The following GOLGA8B variants were observed in gnomAD, a reference collection of about 807,000 sequenced individuals.
The protein encoded by GOLGA8B is golgin subfamily A member 8B.
A neutral mutation model predicts 15.6 loss-of-function variants in GOLGA8B; 1 was observed. The ratio of observed to expected loss-of-function variants is 0.06; its 90% CI spans 0.02 to 0.30. GOLGA8B has a LOEUF of 0.30. GOLGA8B is among the 10% of genes least tolerant of loss of function. GOLGA8B has a pLI of 1.00. For missense variants in GOLGA8B, 17 were observed against 201.3 expected, an observed-to-expected ratio of 0.08 and a Z score of 5.54; for synonymous variants, 9 against 80.3, an observed-to-expected ratio of 0.11 and a Z score of 4.75.
chr15:34,564,981 T>C lies in GOLGA8B; in HGVS notation c.-1122-11025A>G, dbSNP rs374639431. 2.8e-5 allele frequency among the ~76,000 whole-genome samples: 4 copies of C among 143,820 alleles called. 1 individual carries two copies. The highest frequency in any genetic ancestry group is 7.4e-5 in the African/African-American group (3 of 40,458). 94.4% of individuals were successfully genotyped at this position (143,820 alleles called of 152,430 possible). A position where few individuals can be genotyped will look rare whatever the true frequency, so the allele number is the denominator to read the frequency against. ...GGGATGAATTAAGGGGCTGGAAAAC[T>C]GGCAGCAGGACGGCCTGTGCCCATG... On this transcript the variant is annotated intron_variant, in intron 1 of 23. Transcript: ENST00000683415.
intron 1 of GOLGA8B, among the ~76,000 whole-genome samples, chr15:34,581,174 C>T (rs1360582566): frequency 6.6e-6 from 1 of 152,182 alleles, no homozygotes; most frequent in Non-Finnish European, 1.5e-5. Context: ...CACCTGAGGC[C>T]CACACCTGTT....
At position 34,551,977 on chromosome 15, in the gene GOLGA8B, T is replaced by G. The variant is rs1420780305; in HGVS notation, c.-713-701A>C. ...TGGTGCCATCCTCTGTTCACTTGCA[T>G]CAGAGCCTGGGAGGTTGTGGTCTGC... On this transcript the variant is annotated intron_variant, in intron 3 of 23. Coordinates refer to ENST00000683415, the MANE Select transcript of GOLGA8B (RefSeq NM_001023567.5). Among the ~76,000 whole-genome samples the G allele has an allele frequency of 1.9e-5, 2 of 103,724 alleles. 1 individual carries two copies. Among genetic ancestry groups the G allele is most frequent in the East Asian group, 5.0e-4 (2 of 3,962 alleles). 68.0% of individuals were successfully genotyped at this position (103,724 alleles called of 152,430 possible).
intron 1 of GOLGA8B, among the ~76,000 whole-genome samples, chr15:34,554,187 T>C (rs1308318531): frequency 6.8e-6 from 1 of 147,950 alleles, no homozygotes; most frequent in Non-Finnish European, 1.5e-5. Flanking sequence ...TGGGTGGAGA[T>C]GGGGACACAG....
At chr15:34,580,278 G>A (rs370342334) in intron 1 of GOLGA8B, among the ~76,000 whole-genome samples, 1 of 152,190 alleles carries the variant, frequency 6.6e-6, no homozygotes, top group Non-Finnish European at 1.5e-5. Context: ...AGCCTGGAGG[G>A]ACCATTCTTG....
chr15:34,577,369 C>T (rs981611873), intron 1 of GOLGA8B, among the ~76,000 whole-genome samples: 69 of 151,994 alleles, frequency 4.5e-4, no homozygotes, highest in African/African-American at 1.6e-3. Flanking sequence ...AAACCAACTG[C>T]GGGAAACCAT....
chr15:34,567,709 C>G (rs1366735242), intron 1 of GOLGA8B, among the ~76,000 whole-genome samples: 1 of 151,886 alleles, frequency 6.6e-6, no homozygotes, highest in South Asian at 2.1e-4. Context: ...AAATGACGCA[C>G]ACGGGCAGAT....
At chr15:34,573,541 A>AC (rs1400763789) in intron 1 of GOLGA8B, among the ~76,000 whole-genome samples, 2 of 63,954 alleles carry the variant, frequency 3.1e-5, no homozygotes, top group Non-Finnish European at 7.6e-5. Context: ...CGTCTCAAAA[A>AC]AAAAAAAAAA....
intron 1 of GOLGA8B, among the ~76,000 whole-genome samples, chr15:34,569,811 T>A (rs1335205426): frequency 6.6e-6 from 1 of 150,500 alleles, no homozygotes; most frequent in African/African-American, 2.4e-5. Flanking sequence ...AACTGGCAGC[T>A]CCTGCAGGGC....
chr15:34,578,401 T>A (rs927704141), intron 1 of GOLGA8B, among the ~76,000 whole-genome samples: 1 of 152,170 alleles, frequency 6.6e-6, no homozygotes, highest in South Asian at 2.1e-4. Flanking sequence ...GCCCCTGTAC[T>A]TGCCCACCAA....
At chr15:34,581,281 A>C (rs1011214164) in intron 1 of GOLGA8B, among the ~76,000 whole-genome samples, 4 of 151,158 alleles carry the variant, frequency 2.6e-5, no homozygotes, top group African/African-American at 4.9e-5. Flanking sequence ...TTCAACCCCC[A>C]CTCTCCCCAC....
chr15:34,582,382 AG>A (rs918252336), intron 1 of GOLGA8B, among the ~76,000 whole-genome samples: 24 of 152,216 alleles, frequency 1.6e-4, no homozygotes, highest in African/African-American at 5.8e-4. Flanking sequence ...TCAACGAGGA[AG>A]AAAATAGAAA....
At chr15:34,581,303 T>C (rs986420682) in intron 1 of GOLGA8B, among the ~76,000 whole-genome samples, 2 of 152,140 alleles carry the variant, frequency 1.3e-5, no homozygotes, top group Non-Finnish European at 2.9e-5. Context: ...CCAACAGCCC[T>C]CACTGCAGCC....
In GOLGA8B at chr15:34,577,710, C is replaced by A. The variant is rs1332916324; in HGVS notation, c.-1123+5806G>T. Among the ~76,000 whole-genome samples, 17 of 152,236 alleles carry A rather than the reference C, an allele frequency of 1.1e-4. 1 individual carries two copies. The Middle Eastern group carries it at 0.014, about 122-fold the overall frequency. On this transcript the variant is annotated intron_variant, in intron 1 of 23. Transcript: ENST00000683415. ...AGCCTACTGCTCCTAGGCTGCAAACCTAGGCAGCATGTTACTGTGCTGAAG... is the reference window on the plus strand; with the variant it reads ...AGCCTACTGCTCCTAGGCTGCAAACATAGGCAGCATGTTACTGTGCTGAAG...
intron 1 of GOLGA8B, among the ~76,000 whole-genome samples, chr15:34,567,094 C>T (rs1395059766): frequency 1.6e-5 from 2 of 122,652 alleles, no homozygotes; most frequent in East Asian, 4.2e-4. Flanking sequence ...ACAAGCTCTA[C>T]CCTTTCCAAG....
chr15:34,580,480 C>A (rs920344097), intron 1 of GOLGA8B, among the ~76,000 whole-genome samples: 6 of 46,586 alleles, frequency 1.3e-4, no homozygotes, highest in Admixed American at 9.2e-4. Context: ...CCCACCAGTA[C>A]GCAGGGTTCC....
At chr15:34,578,543 G>C (rs535081529) in intron 1 of GOLGA8B, among the ~76,000 whole-genome samples, 1 of 152,192 alleles carries the variant, frequency 6.6e-6, no homozygotes, top group Admixed American at 6.5e-5. Context: ...GCACTGCCCC[G>C]TCACAGCAGA....
At chr15:34,557,676 G>GTGTGTGTGTGTC (rs895819604) in intron 1 of GOLGA8B, among the ~76,000 whole-genome samples, 1 of 107,756 alleles carries the variant, frequency 9.3e-6, no homozygotes, top group African/African-American at 3.4e-5. Flanking sequence ...GTGTGTGTGT[G>GTGTGTGTGTGTC]TGTGTGTCTG....
chr15:34,527,404 G>T lies in GOLGA8B; in HGVS notation c.*228C>A, dbSNP rs1206380032. The T allele has an allele frequency of 8.8e-6, 5 of 569,446 alleles. No homozygotes were observed. Among genetic ancestry groups the T allele is most frequent in the South Asian group, 4.7e-5 (2 of 42,810 alleles). The allele number at this position is 569,446 out of a possible 1,614,324, so 35.3% of individuals were successfully genotyped here. ...TGCTAATGACCTACAATTATGAAAT[G>T]AAAAAAGAAAAATGCTAAAGGATGC... On this transcript the variant is annotated 3_prime_UTR_variant, in exon 24 of 24. Coordinates refer to ENST00000683415, the MANE Select transcript of GOLGA8B (RefSeq NM_001023567.5).
intron 1 of GOLGA8B, among the ~76,000 whole-genome samples, chr15:34,565,041 C>G (rs948061643): frequency 7.0e-6 from 1 of 143,542 alleles, no homozygotes; most frequent in Non-Finnish European, 1.6e-5. Context: ...GCAGGGGCTA[C>G]GGAGAAGGTG....
Sources: gnomAD v4.1 joint callset for allele counts (sites outside exome capture counted in the v4.1 genomes callset) on GRCh38, gnomAD v4.1.1 for gene constraint, MANE v1.5 for transcripts, NCBI Gene and HGNC (gene_info 2026-07-23, HGNC 2026-07-21) for gene names.